The following CNOT3 variants were observed in gnomAD, a reference collection of about 807,000 sequenced individuals.
CNOT3 encodes CCR4-associated factor 3.
Under a neutral mutation model 89.4 loss-of-function variants are expected in CNOT3, and 2 were observed. The ratio of observed to expected loss-of-function variants is 0.02; its 90% CI spans 0.01 to 0.07. CNOT3 has a LOEUF of 0.07. Among genes scored for constraint, CNOT3 ranks in the 10% least tolerant of loss-of-function variants. The pLI is 1.00. For synonymous variants in CNOT3, 486 were observed against 402.0 expected (o/e 1.21, Z -2.50); for missense variants, 664 against 1,010.2 (o/e 0.66, Z 4.65).
chr19:54,149,748 C>T lies in CNOT3; in HGVS notation c.1595C>T (p.Pro532Leu). ...GGGCCTCCACAGTTCAGCACCGCCC[C>T]AGAAATCAAGGTGGGCTCCTCGGAC... is the stretch of plus-strand genomic sequence containing the variant. ...LNGPPQFSTA[P>L]EIKAPEPLSS... is the part of the protein sequence containing the mutation. The change falls in exon 13 of 18, where the codon CCA becomes CTA. Residue 532 changes from proline to leucine, a missense_variant. Pro to Leu is a moderately conservative substitution (Grantham distance 98). Transcript: ENST00000221232. 1.2e-6 allele frequency: 2 copies of T among 1,608,118 alleles called. No individual in the cohort carries two copies. Among genetic ancestry groups the T allele is most frequent in the East Asian group, 4.5e-5 (2 of 44,458 alleles).
intron 1 of CNOT3, 192 bp from the exon 2 acceptor site, chr19:54,142,737 C>T: frequency 1.7e-6 from 1 of 594,026 alleles, no homozygotes; most frequent in South Asian, 2.1e-5. Context: ...CTTATGGGGT[C>T]CCCTGTTGGC....
At chr19:54,146,364 C>T (rs927937471) in intron 9 of CNOT3, among the ~76,000 whole-genome samples, 3 of 152,154 alleles carry the variant, frequency 2.0e-5, no homozygotes, top group Non-Finnish European at 4.4e-5. Flanking sequence ...CTGTGGAGAG[C>T]AGGTTCCCAG....
chr19:54,146,693 C>G (rs2074690318), intron 10 of CNOT3, 36 bp downstream of exon 10: 1 of 1,197,014 alleles, frequency 8.4e-7, no homozygotes, highest in Non-Finnish European at 1.3e-6. Flanking sequence ...GCACGCCATT[C>G]ACTCCTCTGT....
intron 15 of CNOT3, 63 bp from the exon 16 acceptor site, chr19:54,152,804 C>A (rs768661490): frequency 6.8e-6 from 6 of 882,576 alleles, no homozygotes; most frequent in Middle Eastern, 2.8e-4. Flanking sequence ...CATGTCTGAG[C>A]ACCCTTTTGA....
At chr19:54,143,279 G>A (rs2074527911) in intron 3 of CNOT3, 93 bp downstream of exon 3, 1 of 1,216,818 alleles carries the variant, frequency 8.2e-7, no homozygotes, top group African/African-American at 1.5e-5. Context: ...AGCGGGAGGG[G>A]CTACATATGC....
Position 54,142,912 on chromosome 19 carries a change from C to T in CNOT3, c.-50-17C>T. The stretch of plus-strand genomic sequence containing the variant: ...CCAGGGAATACGTGTTAATTCCTCT[C>T]CAATCTCTCCTAGCAGCGTCCGTCT... On this transcript the variant is annotated splice_polypyrimidine_tract_variant and intron_variant, in intron 1 of 17. Transcript: ENST00000221232. 6.5e-7 allele frequency: 1 copy of T among 1,527,522 alleles called. No individual in the cohort carries two copies. Among genetic ancestry groups the T allele is most frequent in the Non-Finnish European group, 9.1e-7 (1 of 1,103,246 alleles). 94.6% of individuals were successfully genotyped at this position (1,527,522 alleles called of 1,614,324 possible).
In CNOT3 at chr19:54,145,067, G is replaced by T. The variant is rs2074604653; in HGVS notation, c.484-531G>T. Among the ~76,000 whole-genome samples, 1 of 152,128 alleles carries T rather than the reference G, an allele frequency of 6.6e-6. No individual in the cohort carries two copies. Among genetic ancestry groups the T allele is most frequent in the African/African-American group, 2.4e-5 (1 of 41,412 alleles). ...AGATGTTAAATCCTAAAGGGGCCTT[G>T]AGGGGAGGGCAGGAGCGAGGCTTAG... On this transcript the variant is annotated intron_variant, in intron 7 of 17. Transcript: ENST00000221232. This position sits in a 1 kb window ranked among gnomAD's most constrained non-coding sequence, Gnocchi z 5.9.
At chr19:54,153,989 T>G (rs779613727) in intron 17 of CNOT3, 149 bp downstream of exon 17, 13 of 1,004,686 alleles carry the variant, frequency 1.3e-5, no homozygotes, top group Middle Eastern at 2.0e-4. Context: ...CCTCTGGCTG[T>G]CTGCTCAGCC....
At chr19:54,155,265 A>G (rs1390471990) in intron 17 of CNOT3, 44 bp from the exon 18 acceptor site, 3 of 1,607,570 alleles carry the variant, frequency 1.9e-6, no homozygotes, top group Non-Finnish European at 2.5e-6. Flanking sequence ...CAGATCCCAG[A>G]CCACCTCCTC....
Position 54,144,760 on chromosome 19 carries a change from G to C in CNOT3, c.483+428G>C, listed in dbSNP as rs2074589611. Among the ~76,000 whole-genome samples the C allele has an allele frequency of 6.6e-6, 1 of 152,172 alleles. No individual in the cohort carries two copies. The highest frequency in any genetic ancestry group is 2.4e-5 in the African/African-American group (1 of 41,426). ...ATGGAGAAGGCAGAGAACCAGGCCT[G>C]AAGGAAGACAGGAGTCTGGGACAAA... On this transcript the variant is annotated intron_variant, in intron 7 of 17. Transcript: ENST00000221232. The surrounding 1 kb of genome is among the most constrained non-coding windows in gnomAD (Gnocchi z 4.8).
rs150873325 is a variant in CNOT3, at chr19:54,149,591, G to A, written c.1438G>A (p.Ala480Thr). 6.9e-6 allele frequency: 11 copies of A among 1,605,714 alleles called. No homozygotes were observed. Among genetic ancestry groups the A allele is most frequent in the East Asian group, 6.7e-5 (3 of 44,700 alleles). ...ACCCAGTGCGGCAGCCCCAACGGGG[G>A]CTGGGGGCGTGGCCCCAGGCTCAGG... ...KEPSAAAPTG[A>T]GGVAPGSGNN... Residue 480 changes from alanine (A) to threonine (T), a missense_variant, in exon 13 of 18, where the codon GCT becomes ACT. By Grantham distance (58) the Ala-to-Thr change is moderately conservative. Coordinates refer to ENST00000221232, the MANE Select transcript of CNOT3 (RefSeq NM_014516.4).
rs761070469 is a variant in CNOT3, at chr19:54,153,430, G to T, written c.2038-285G>T. 22 of 772,314 alleles carry T rather than the reference G, an allele frequency of 2.8e-5. No homozygotes were observed. The Admixed American group carries it at 3.7e-4, about 13-fold the overall frequency. 47.8% of individuals were successfully genotyped at this position (772,314 alleles called of 1,614,324 possible). A position where few individuals can be genotyped will look rare whatever the true frequency, so the allele number is the denominator to read the frequency against. ...GTGACCTCCACCCTCATCCCCACTT[G>T]GGAAATTTTCTAAATTGCCTCCTCT... On this transcript the variant is annotated intron_variant, in intron 16 of 17. Transcript: ENST00000221232.
At chr19:54,155,052 C>T (rs756225572) in intron 17 of CNOT3, 91 of 546,092 alleles carry the variant, frequency 1.7e-4, no homozygotes, top group Non-Finnish European at 2.5e-4. Flanking sequence ...ACACCTGGGG[C>T]TGGGGCCCCG....
In CNOT3 at chr19:54,145,534, G is replaced by T; in HGVS notation, c.484-64G>T. 8.9e-7 allele frequency: 1 copy of T among 1,122,102 alleles called. No individual in the cohort carries two copies. The highest frequency in any genetic ancestry group is 1.3e-6 in the Non-Finnish European group (1 of 743,680). The allele number at this position is 1,122,102 out of a possible 1,614,324, so 69.5% of individuals were successfully genotyped here. On this transcript the variant is annotated intron_variant, in intron 7 of 17. Coordinates refer to ENST00000221232, the MANE Select transcript of CNOT3 (RefSeq NM_014516.4). The surrounding 1 kb of genome is among the most constrained non-coding windows in gnomAD (Gnocchi z 5.9). ...GTCAGGGACTGAGGACAGGTTCTGT[G>T]GGGGCAGGAGGGGCCAAGCAGGTGC...
At position 54,144,199 on chromosome 19, in the gene CNOT3, C is replaced by T. The variant is rs2074564976; in HGVS notation, c.388-38C>T. 1 of 1,613,404 alleles carries T rather than the reference C, an allele frequency of 6.2e-7. No homozygotes were observed. The highest frequency in any genetic ancestry group is 2.2e-5 in the East Asian group (1 of 44,874). On this transcript the variant is annotated intron_variant, in intron 6 of 17. Coordinates refer to ENST00000221232, the MANE Select transcript of CNOT3 (RefSeq NM_014516.4). This position sits in a 1 kb window ranked among gnomAD's most constrained non-coding sequence, Gnocchi z 4.8. The stretch of plus-strand genomic sequence containing the variant: ...CCTGAGCCCTGGGTGTAGGCGGAAC[C>T]CTAGCTGATGGGCTTCCTCTTCCTC...
intron 9 of CNOT3, 32 bp from the exon 10 acceptor site, chr19:54,146,569 C>T (rs2074683456): frequency 8.9e-7 from 1 of 1,123,462 alleles, no homozygotes; most frequent in Admixed American, 1.7e-5. Flanking sequence ...CCAGAGGTCA[C>T]ACAGGTTTCT....
rs1440737434 is a variant in CNOT3 at position 54,145,103 on chromosome 19, T to C, written c.484-495T>C. On this transcript the variant is annotated intron_variant, in intron 7 of 17. Coordinates refer to ENST00000221232, the MANE Select transcript of CNOT3 (RefSeq NM_014516.4). This position sits in a 1 kb window ranked among gnomAD's most constrained non-coding sequence, Gnocchi z 5.9. The stretch of plus-strand genomic sequence containing the variant: ...AGGAGCGAGGCTTAGGAATCTGGGC[T>C]CTCTCAGGGATAAATGGGTAGGGTT... Among the ~76,000 whole-genome samples the C allele has an allele frequency of 6.6e-6, 1 of 151,930 alleles. No individual in the cohort carries two copies. The highest frequency in any genetic ancestry group is 2.4e-5 in the African/African-American group (1 of 41,330).
rs781595253 is a variant in CNOT3, at chr19:54,144,020, C to T, written c.273C>T (p.Phe91=). The T allele has an allele frequency of 1.9e-6, 3 of 1,596,294 alleles. No individual in the cohort carries two copies. The highest frequency in any genetic ancestry group is 2.6e-6 in the Non-Finnish European group (3 of 1,175,408). ...RKLIETQMER[F]KVVERETKTK... is the part of the protein sequence containing the mutation. The stretch of plus-strand genomic sequence containing the variant: ...ACTCTCTACAGCAAATGGAACGGTT[C>T]AAAGTTGTGGAACGAGAGACCAAAA... The change falls in exon 6 of 18, where the codon TTC becomes TTT. Residue 91 remains phenylalanine, a synonymous_variant. Coordinates refer to ENST00000221232, the MANE Select transcript of CNOT3 (RefSeq NM_014516.4). The surrounding 1 kb of genome is among the most constrained non-coding windows in gnomAD (Gnocchi z 4.8).
chr19:54,145,905 C>A lies in CNOT3; in HGVS notation c.704-5C>A, dbSNP rs1388870979. ...GCTAAGCATGCCCTTCTTCTGCCCC[C>A]ACAGCACAGGCGCTGGTCGCCACCT... On this transcript the variant is annotated splice_polypyrimidine_tract_variant and splice_region_variant and intron_variant, in intron 8 of 17. Transcript: ENST00000221232. This position sits in a 1 kb window ranked among gnomAD's most constrained non-coding sequence, Gnocchi z 5.9. The A allele has an allele frequency of 3.1e-6, 5 of 1,613,390 alleles. No individual in the cohort carries two copies. The highest frequency in any genetic ancestry group is 2.2e-5 in the East Asian group (1 of 44,878).
Sources: gnomAD v4.1 joint callset for allele counts (sites outside exome capture counted in the v4.1 genomes callset) on GRCh38, gnomAD v4.1.1 for gene constraint, Gnocchi (gnomAD v3.1) non-coding constraint, MANE v1.5 for transcripts, NCBI Gene and HGNC (gene_info 2026-07-23, HGNC 2026-07-21) for gene names.